Variants in ESRRG observed in about 807,000 individuals in gnomAD.
The protein encoded by ESRRG is estrogen related receptor gamma, also known as estrogen-related receptor gamma.
In ESRRG, 13 loss-of-function variants were observed where a neutral mutation model predicts 44.0. That is an observed-to-expected ratio of 0.30 (90% confidence interval 0.19 to 0.47). ESRRG has a LOEUF of 0.47. Ranked by LOEUF, ESRRG falls within the 20% of genes least tolerant of loss-of-function variation. The pLI is 1.00. For missense variants in ESRRG, 395 were observed against 580.6 expected, an observed-to-expected ratio of 0.68 and a Z score of 3.29; for synonymous variants, 215 against 214.6, an observed-to-expected ratio of 1.00 and a Z score of -0.02.
rs560226833 is a variant in ESRRG, at chr1:216,707,291, T to C, written c.56+15953A>G. 218 of 1,509,420 alleles carry C rather than the reference T, an allele frequency of 1.4e-4. 1 individual carries two copies. Among genetic ancestry groups the C allele is most frequent in the Admixed American group, 4.1e-5 (2 of 49,130 alleles). 93.5% of individuals were successfully genotyped at this position (1,509,420 alleles called of 1,614,324 possible). On this transcript the variant is annotated intron_variant, in intron 1 of 6. Transcript: ENST00000408911. ...AAATCAAACCATATACAAGTAACGT[T>C]GAGCATTTTAAGATTTAATGGCAAC...
chr1:216,818,811 G>A lies in ESRRG; in HGVS notation c.-14+120771C>T, dbSNP rs796343737. On this transcript the variant is annotated intron_variant, in intron 2 of 7. Coordinates refer to the ESRRG transcript ENST00000359162. ...CCCCAGTGTGTGTTGTTCCCCCGAT[G>A]TGTCCATGTGTTCTCATCACTCAGC... Among the ~76,000 whole-genome samples, 46 of 152,118 alleles carry A rather than the reference G, an allele frequency of 3.0e-4. 1 individual carries two copies. Among genetic ancestry groups the A allele is most frequent in the African/African-American group, 9.9e-4 (41 of 41,524 alleles).
At chr1:216,921,209 A>G (rs548877045) in intron 2 of ESRRG, among the ~76,000 whole-genome samples, 2 of 152,302 alleles carry the variant, frequency 1.3e-5, no homozygotes, top group African/African-American at 4.8e-5. Context: ...CACATCTTTC[A>G]TCAGGAGGTG....
chr1:216,939,626 C>A (rs2064871896), exon 2 of ESRRG: 1 of 151,156 alleles, frequency 6.6e-6, no homozygotes, highest in African/African-American at 2.4e-5. Flanking sequence ...TTCCTTACAT[C>A]TTCATAATTT....
chr1:216,898,329 G>C (rs756871729), intron 2 of ESRRG, among the ~76,000 whole-genome samples: 30 of 152,164 alleles, frequency 2.0e-4, no homozygotes, highest in Non-Finnish European at 4.4e-4. Context: ...ATAAGAAGTT[G>C]GTACATGGCC....
chr1:216,524,206 T>C (rs1412446042), intron 5 of ESRRG, among the ~76,000 whole-genome samples: 1 of 140,012 alleles, frequency 7.1e-6, no homozygotes, highest in Non-Finnish European at 1.5e-5. Flanking sequence ...CAGGGGCTTG[T>C]AGGAAACTTT....
intron 2 of ESRRG, among the ~76,000 whole-genome samples, chr1:216,656,731 G>T (rs1363079648): frequency 2.0e-5 from 3 of 152,112 alleles, no homozygotes; most frequent in African/African-American, 7.2e-5. Context: ...TGGTAATGAT[G>T]CATTTGGATT....
At chr1:216,919,384 G>A (rs542228126) in intron 2 of ESRRG, among the ~76,000 whole-genome samples, 25 of 152,248 alleles carry the variant, frequency 1.6e-4, no homozygotes, top group African/African-American at 4.3e-4. Context: ...CAGCACTTCC[G>A]GGGTTGAGCT....
At chr1:216,907,427 T>C (rs1023380046) in intron 2 of ESRRG, among the ~76,000 whole-genome samples, 1 of 152,218 alleles carries the variant, frequency 6.6e-6, no homozygotes, top group Non-Finnish European at 1.5e-5. Flanking sequence ...GATGCCGCAC[T>C]TGTGATCAAA....
At chr1:216,645,361 T>C (rs2067315641) in intron 3 of ESRRG, among the ~76,000 whole-genome samples, 1 of 152,016 alleles carries the variant, frequency 6.6e-6, no homozygotes, top group African/African-American at 2.4e-5. Flanking sequence ...TCATCATCAT[T>C]GTAATTATAA....
chr1:216,520,470 G>A (rs2045750557), intron 5 of ESRRG, among the ~76,000 whole-genome samples: 3 of 152,078 alleles, frequency 2.0e-5, no homozygotes, highest in Non-Finnish European at 2.9e-5. Flanking sequence ...AAAAGAAAAT[G>A]TTGTTCAATA....
chr1:216,984,956 A>T (rs547033669), intron 1 of ESRRG, among the ~76,000 whole-genome samples: 51 of 152,186 alleles, frequency 3.4e-4, no homozygotes, highest in Non-Finnish European at 6.3e-4. Context: ...CTCAAGAATA[A>T]TTTCATACAA....
intron 2 of ESRRG, among the ~76,000 whole-genome samples, chr1:216,670,715 C>T (rs1341932680): frequency 6.6e-6 from 1 of 152,034 alleles, no homozygotes; most frequent in African/African-American, 2.4e-5. Flanking sequence ...TAGACCTGGG[C>T]GTGGTCAAGG....
At chr1:216,510,474 G>A (rs1003357329) in intron 6 of ESRRG, among the ~76,000 whole-genome samples, 2 of 152,176 alleles carry the variant, frequency 1.3e-5, no homozygotes, top group African/African-American at 4.8e-5. Context: ...TGGGAAGATA[G>A]CTAAATATCA....
At position 216,778,051 on chromosome 1, in the gene ESRRG, T is replaced by C. The variant is rs541273103; in HGVS notation, c.-13-100560A>G. On this transcript the variant is annotated intron_variant, in intron 2 of 7. Transcript: ENST00000359162. ...GAATCTAGGAGTCATTTGAGTTATCTGGTCTCGGATCAATAGAAATTATAA... is the reference window on the plus strand; with the variant it reads ...GAATCTAGGAGTCATTTGAGTTATCCGGTCTCGGATCAATAGAAATTATAA... 2.0e-5 allele frequency among the ~76,000 whole-genome samples: 3 copies of C among 152,218 alleles called. No individual in the cohort carries two copies. In the East Asian group the frequency reaches 5.8e-4, roughly 30 times the overall value.
At chr1:216,658,555 C>G (rs2071249044) in intron 2 of ESRRG, among the ~76,000 whole-genome samples, 2 of 151,576 alleles carry the variant, frequency 1.3e-5, no homozygotes. Flanking sequence ...GGCACTGTGC[C>G]TCATGCTGTA....
At chr1:216,590,916 T>C (rs866411289) in intron 3 of ESRRG, among the ~76,000 whole-genome samples, 29 of 152,202 alleles carry the variant, frequency 1.9e-4, no homozygotes, top group African/African-American at 6.3e-4. Context: ...TACTGACACA[T>C]GACCACAACC....
chr1:216,661,651 C>A (rs920844223), intron 2 of ESRRG, among the ~76,000 whole-genome samples: 1 of 152,118 alleles, frequency 6.6e-6, no homozygotes, highest in Non-Finnish European at 1.5e-5. Flanking sequence ...CTTGAGATTT[C>A]CCTTCTACCT....
At chr1:216,991,223 A>G (rs185543025) in intron 1 of ESRRG, among the ~76,000 whole-genome samples, 28 of 152,252 alleles carry the variant, frequency 1.8e-4, no homozygotes, top group Admixed American at 1.6e-3. Flanking sequence ...ATTATCTTCC[A>G]CAAAACCTGT....
intron 2 of ESRRG, among the ~76,000 whole-genome samples, chr1:216,836,777 G>A (rs558334151): frequency 7.3e-4 from 111 of 152,252 alleles, no homozygotes; most frequent in African/African-American, 2.5e-3. Context: ...TTGTGCAGCC[G>A]AATCAAATAT....
Sources: allele counts gnomAD v4.1 joint callset (sites outside exome capture counted in the v4.1 genomes callset), GRCh38; gene constraint gnomAD v4.1.1; transcripts MANE v1.5; gene names NCBI Gene and HGNC (gene_info 2026-07-23, HGNC 2026-07-21).